Variants in TGFBI observed in about 807,000 individuals in gnomAD.
TGFBI encodes transforming growth factor-beta-induced protein ig-h3.
A neutral mutation model predicts 73.7 loss-of-function variants in TGFBI; 50 were observed. The observed-to-expected ratio is 0.68, with a 90% CI of 0.54 to 0.86. The LOEUF is 0.86. Among genes scored for constraint, TGFBI ranks in the 40% least tolerant of loss-of-function variants. The pLI is 0.00. For synonymous variants in TGFBI, 362 were observed against 360.5 expected (o/e 1.00, Z -0.05); for missense variants, 839 against 877.0 (o/e 0.96, Z 0.55).
At position 136,033,766 on chromosome 5, in the gene TGFBI, C is replaced by T. The variant is rs1335376264; in HGVS notation, c.138C>T (p.Pro46=). 6.2e-7 allele frequency: 1 copy of T among 1,613,526 alleles called. No homozygotes were observed. Among genetic ancestry groups the T allele is most frequent in the African/African-American group, 1.3e-5 (1 of 74,912 alleles). Residue 46 remains proline (P), a synonymous_variant, in exon 2 of 17, where the codon CCC becomes CCT. Transcript: ENST00000442011. The stretch of plus-strand genomic sequence containing the variant: ...ATTCTGCTGCTTTTGTTTTCAGCCC[C>T]AACGTGTGTGCTGTGCAGAAGGTTA... The part of the protein sequence containing the change: ...HSRLRGRQHG[P]NVCAVQKVIG...
At chr5:136,035,438 A>T (rs917605915) in intron 2 of TGFBI, among the ~76,000 whole-genome samples, 1 of 152,112 alleles carries the variant, frequency 6.6e-6, no homozygotes, top group African/African-American at 2.4e-5. Flanking sequence ...CCTGGCTAAC[A>T]TGGTGAAACC....
At chr5:136,058,920 G>A (rs935721236) in intron 12 of TGFBI, 170 bp from the exon 13 acceptor site, 7 of 762,192 alleles carry the variant, frequency 9.2e-6, no homozygotes, top group Middle Eastern at 7.8e-4. Context: ...TAGACAGATT[G>A]TGGGTCACAA....
chr5:136,057,304 G>A (rs1000979078), intron 12 of TGFBI, among the ~76,000 whole-genome samples: 6 of 152,184 alleles, frequency 3.9e-5, no homozygotes, highest in African/African-American at 1.4e-4. Context: ...ACTGAGGCAC[G>A]TTTCCCACTG....
Position 136,044,071 on chromosome 5 carries a change from G to A in TGFBI, c.247G>A (p.Glu83Lys). ...GTCTTGTTACAGAGTCATCAGCTAC[G>A]AGTGCTGTCCTGGATATGAAAAGGT... ...ICGKSTVISYECCPGYEKVPG... is the reference protein window; with the variant it reads ...ICGKSTVISYKCCPGYEKVPG... The change falls in exon 3 of 17, where the codon GAG becomes AAG. Residue 83 changes from glutamate (E) to lysine (K), a missense_variant. By Grantham distance (56) the Glu-to-Lys change is moderately conservative. Coordinates refer to ENST00000442011, the MANE Select transcript of TGFBI (RefSeq NM_000358.3). The A allele has an allele frequency of 1.9e-6, 3 of 1,613,350 alleles. No homozygotes were observed. Among genetic ancestry groups the A allele is most frequent in the East Asian group, 2.2e-5 (1 of 44,860 alleles).
At chr5:136,053,230 G>C in intron 8 of TGFBI, 111 bp downstream of exon 8, 2 of 996,944 alleles carry the variant, frequency 2.0e-6, no homozygotes, top group Non-Finnish European at 3.0e-6. Flanking sequence ...TCCCTGCCTG[G>C]ACCCAGCTCA....
rs1472070486 is a variant in TGFBI, at chr5:136,062,687, G to T, written c.2011G>T (p.Ala671Ser). Reference protein sequence around the residue: ...SRASQRSVRLAPVYQKLLERM... With the variant: ...SRASQRSVRLSPVYQKLLERM... Reference sequence around the variant, plus strand: ...GGCTTCCCAGAGGTCTGTGCGACTAGGTGAGTCTGGTCTGGGTTTGAAGTC... The same window carrying T: ...GGCTTCCCAGAGGTCTGTGCGACTATGTGAGTCTGGTCTGGGTTTGAAGTC... The change falls in exon 16 of 17, where the codon GCC becomes TCC. Residue 671 changes from alanine (A) to serine (S), a missense_variant and splice_region_variant. Transcript: ENST00000442011. The T allele has an allele frequency of 4.5e-6, 7 of 1,567,540 alleles. No individual in the cohort carries two copies. The highest frequency in any genetic ancestry group is 6.1e-6 in the Non-Finnish European group (7 of 1,154,474).
chr5:136,046,833 C>A lies in TGFBI; in HGVS notation c.460-18C>A, dbSNP rs1198280792. 2 of 1,608,780 alleles carry A rather than the reference C, an allele frequency of 1.2e-6. No individual in the cohort carries two copies. Among genetic ancestry groups the A allele is most frequent in the East Asian group, 2.2e-5 (1 of 44,770 alleles). ...CAGAGTCTGCAGCCCCTAACTGACACCCTGTCCTTCCTCCTAGGAAGTGCT... is the reference window on the plus strand; with the variant it reads ...CAGAGTCTGCAGCCCCTAACTGACAACCTGTCCTTCCTCCTAGGAAGTGCT... On this transcript the variant is annotated intron_variant, in intron 4 of 16. Transcript: ENST00000442011.
chr5:136,049,689 G>T, intron 7 of TGFBI, 109 bp downstream of exon 7: 2 of 1,335,810 alleles, frequency 1.5e-6, no homozygotes, highest in South Asian at 1.4e-5. Flanking sequence ...TGACCCTCAG[G>T]ATATCCACTG....
At chr5:136,053,164 C>T (rs765737165) in intron 8 of TGFBI, 45 bp downstream of exon 8, 13 of 1,571,806 alleles carry the variant, frequency 8.3e-6, no homozygotes, top group Non-Finnish European at 1.1e-5. Context: ...GGCCCACCAT[C>T]TCTTCTGCCA....
At chr5:136,045,455 G>T (rs1454059577) in intron 3 of TGFBI, among the ~76,000 whole-genome samples, 1 of 152,208 alleles carries the variant, frequency 6.6e-6, no homozygotes, top group Non-Finnish European at 1.5e-5. Flanking sequence ...TGAGGCAGGA[G>T]AATCGCTTGT....
At chr5:136,032,813 A>T (rs45559934) in intron 1 of TGFBI, among the ~76,000 whole-genome samples, 54 of 152,226 alleles carry the variant, frequency 3.5e-4, no homozygotes, top group African/African-American at 1.1e-3. Context: ...AAGCTTTCAC[A>T]ATCACCTGGC....
At chr5:136,032,003 A>G (rs941661565) in intron 1 of TGFBI, among the ~76,000 whole-genome samples, 7 of 152,202 alleles carry the variant, frequency 4.6e-5, no homozygotes, top group African/African-American at 1.7e-4. Context: ...GAATTCATTG[A>G]CAGTAATTGT....
At chr5:136,056,574 G>T (rs1397643677) in intron 11 of TGFBI, 91 bp from the exon 12 acceptor site, 6 of 1,558,250 alleles carry the variant, frequency 3.9e-6, no homozygotes, top group Non-Finnish European at 5.3e-6. Context: ...CCTCAGTGGT[G>T]AGGTATTTAA....
intron 7 of TGFBI, among the ~76,000 whole-genome samples, chr5:136,051,701 G>T (rs1751540142): frequency 6.6e-6 from 1 of 152,220 alleles, no homozygotes; most frequent in Non-Finnish European, 1.5e-5. Context: ...TGTCCAGTTT[G>T]AAGACTAGTT....
intron 2 of TGFBI, among the ~76,000 whole-genome samples, chr5:136,035,498 A>T (rs1580708825): frequency 1.3e-5 from 2 of 151,632 alleles, no homozygotes; most frequent in Admixed American, 6.6e-5. Context: ...GGTGGCGGGC[A>T]CCTGTAGTCC....
chr5:136,047,048 T>A, intron 5 of TGFBI, 33 bp downstream of exon 5: 1 of 1,605,052 alleles, frequency 6.2e-7, no homozygotes, highest in Non-Finnish European at 8.5e-7. Context: ...GCATGGCCCT[T>A]GGTGCATAAT....
At chr5:136,041,122 C>T (rs1751329834) in intron 2 of TGFBI, among the ~76,000 whole-genome samples, 1 of 152,368 alleles carries the variant, frequency 6.6e-6, no homozygotes, top group East Asian at 1.9e-4. Flanking sequence ...CCAGCTTTGA[C>T]ACCTTCCCAG....
At chr5:136,056,170 G>A (rs1751628014) in intron 11 of TGFBI, among the ~76,000 whole-genome samples, 1 of 152,174 alleles carries the variant, frequency 6.6e-6, no homozygotes, top group Non-Finnish European at 1.5e-5. Context: ...CTCACTCTCT[G>A]CGCAGTATCT....
At chr5:136,056,432 G>A (rs571643353) in intron 11 of TGFBI, 50 of 505,160 alleles carry the variant, frequency 9.9e-5, no homozygotes, top group Admixed American at 2.0e-4. Context: ...GGCCTCTGAC[G>A]TCTGGCCATT....
Sources: gnomAD v4.1 joint callset for allele counts (sites outside exome capture counted in the v4.1 genomes callset) on GRCh38, gnomAD v4.1.1 for gene constraint, MANE v1.5 for transcripts, NCBI Gene and HGNC (gene_info 2026-07-23, HGNC 2026-07-21) for gene names.